Variants in GALNT13 observed in about 807,000 individuals in gnomAD.
GALNT13 encodes the protein UDP-GalNAc:polypeptide N-acetylgalactosaminyltransferase 13.
Under a neutral mutation model 64.2 loss-of-function variants are expected in GALNT13, and 28 were observed. The observed-to-expected ratio is 0.44, with a 90% CI of 0.32 to 0.60. The LOEUF is 0.60. GALNT13 is among the 20% of genes least tolerant of loss of function. GALNT13 has a pLI of 0.05. For synonymous variants in GALNT13, 214 were observed against 224.6 expected (o/e 0.95, Z 0.42); for missense variants, 577 against 669.8 (o/e 0.86, Z 1.53).
intron 1 of GALNT13, among the ~76,000 whole-genome samples, chr2:153,900,684 G>A (rs1409837635): frequency 6.6e-6 from 1 of 152,056 alleles, no homozygotes; most frequent in African/African-American, 2.4e-5. Context: ...ATAATATGAA[G>A]CTAGTATGCA....
the GALNT13 span, among the ~76,000 whole-genome samples, chr2:153,846,130 T>C: frequency 6.6e-6 from 1 of 152,130 alleles, no homozygotes; most frequent in Non-Finnish European, 1.5e-5. Flanking sequence ...AGCAAAATGA[T>C]TCCTTATGAA....
chr2:153,653,182 G>T, the GALNT13 span, among the ~76,000 whole-genome samples: 1 of 104,712 alleles, frequency 9.6e-6, no homozygotes. Flanking sequence ...TAACAATTGG[G>T]ATAAAATACG....
chr2:153,885,035 T>A (rs35384156), intron 1 of GALNT13, among the ~76,000 whole-genome samples: 31,407 of 149,428 alleles, frequency 0.21, 3,652 homozygotes, highest in Non-Finnish European at 0.26. Flanking sequence ...CAAAACTTTG[T>A]CTCAAAAGAT....
At chr2:153,095,587 C>T in the GALNT13 span, among the ~76,000 whole-genome samples, 1 of 152,312 alleles carries the variant, frequency 6.6e-6, no homozygotes, top group Middle Eastern at 3.4e-3. Context: ...CACATGCACA[C>T]ATATGTTTAT....
the GALNT13 span, among the ~76,000 whole-genome samples, chr2:153,099,556 T>C: frequency 3.3e-5 from 5 of 152,204 alleles, no homozygotes; most frequent in African/African-American, 1.2e-4. Flanking sequence ...TTAAAATATT[T>C]AGATGAAGTA....
chr2:153,429,938 C>T, the GALNT13 span, among the ~76,000 whole-genome samples: 115 of 152,192 alleles, frequency 7.6e-4, no homozygotes, highest in Middle Eastern at 3.4e-3. Context: ...ATTGTATCCT[C>T]ACCAGGAGAG....
the GALNT13 span, among the ~76,000 whole-genome samples, chr2:153,641,222 A>T: frequency 6.6e-6 from 1 of 152,150 alleles, no homozygotes; most frequent in Non-Finnish European, 1.5e-5. Flanking sequence ...GGTCTACTCT[A>T]ATGTAAGCGT....
At chr2:154,295,348 T>TTTTATTTATTTATTTC (rs1692858256) in intron 8 of GALNT13, among the ~76,000 whole-genome samples, 1 of 142,222 alleles carries the variant, frequency 7.0e-6, no homozygotes, top group Non-Finnish European at 1.5e-5. Flanking sequence ...ATTCTTTTTA[T>TTTTATTTATTTATTTC]TTTATTTATT....
At chr2:153,074,868 G>A in the GALNT13 span, among the ~76,000 whole-genome samples, 1 of 152,100 alleles carries the variant, frequency 6.6e-6, no homozygotes, top group Admixed American at 6.6e-5. Flanking sequence ...CTGAGTAGCT[G>A]AGATTACATA....
In GALNT13 at chr2:154,397,253, G is replaced by C. The variant is rs148289767; in HGVS notation, c.1296+1123G>C. 2.3e-4 allele frequency among the ~76,000 whole-genome samples: 35 copies of C among 152,026 alleles called. No individual in the cohort carries two copies. In the East Asian group the frequency reaches 2.7e-3, roughly 12 times the overall value. On this transcript the variant is annotated intron_variant, in intron 10 of 12. Coordinates refer to ENST00000392825, the MANE Select transcript of GALNT13 (RefSeq NM_052917.4). ...GATCGACACCATCCTGGCTAACACA[G>C]TGAAACCCCGTCTCTACTAAAAATA...
At chr2:154,246,419 A>G (rs1689783434) in intron 7 of GALNT13, among the ~76,000 whole-genome samples, 1 of 152,140 alleles carries the variant, frequency 6.6e-6, no homozygotes, top group Admixed American at 6.5e-5. Flanking sequence ...TATAGATTCT[A>G]TAGGTCCATT....
chr2:153,828,514 T>C, the GALNT13 span, among the ~76,000 whole-genome samples: 1 of 152,194 alleles, frequency 6.6e-6, no homozygotes, highest in Non-Finnish European at 1.5e-5. Context: ...TGGTCCCTTG[T>C]AGCCACGGCT....
chr2:153,100,037 T>C, the GALNT13 span, among the ~76,000 whole-genome samples: 1 of 152,340 alleles, frequency 6.6e-6, no homozygotes, highest in African/African-American at 2.4e-5. Context: ...TATATGATCC[T>C]CATTTAGTGC....
chr2:154,248,826 AT>A (rs1206174406), intron 7 of GALNT13, among the ~76,000 whole-genome samples: 1 of 152,132 alleles, frequency 6.6e-6, no homozygotes, highest in Non-Finnish European at 1.5e-5. Context: ...GTCATTTGAC[AT>A]TTGTCAATAT....
chr2:153,684,069 AAT>A, the GALNT13 span, among the ~76,000 whole-genome samples: 23,070 of 148,156 alleles, frequency 0.16, 1,826 homozygotes, highest in Non-Finnish European at 0.17. Flanking sequence ...TCTTCATAAT[AAT>A]ATATATATAT....
the GALNT13 span, among the ~76,000 whole-genome samples, chr2:153,473,776 C>T: frequency 6.6e-6 from 1 of 152,152 alleles, no homozygotes; most frequent in Non-Finnish European, 1.5e-5. Flanking sequence ...GCATGTGGAA[C>T]AGGTGCTGTG....
intron 3 of GALNT13, among the ~76,000 whole-genome samples, chr2:153,993,861 C>A (rs930286776): frequency 6.6e-6 from 1 of 151,914 alleles, no homozygotes; most frequent in African/African-American, 2.4e-5. Context: ...GTACTTAGAT[C>A]GTTTTTCTTT....
chr2:153,273,765 C>G, the GALNT13 span, among the ~76,000 whole-genome samples: 1 of 152,134 alleles, frequency 6.6e-6, no homozygotes, highest in South Asian at 2.1e-4. Context: ...GTTGTCTCCA[C>G]TGGAGAACAA....
At chr2:154,296,684 G>A (rs957955190) in intron 8 of GALNT13, among the ~76,000 whole-genome samples, 11 of 152,202 alleles carry the variant, frequency 7.2e-5, no homozygotes, top group African/African-American at 2.7e-4. Flanking sequence ...ACAGATTGTG[G>A]TAAGCAAAGA....
Sources: gnomAD v4.1 joint callset for allele counts (sites outside exome capture counted in the v4.1 genomes callset) on GRCh38, gnomAD v4.1.1 for gene constraint, MANE v1.5 for transcripts, NCBI Gene and HGNC (gene_info 2026-07-23, HGNC 2026-07-21) for gene names.